The following OLFML2A variants were observed in gnomAD, a reference collection of about 807,000 sequenced individuals.
OLFML2A encodes olfactomedin-like protein 2A.
In OLFML2A, 47 loss-of-function variants were observed where a neutral mutation model predicts 60.9. The observed-to-expected ratio is 0.77, with a 90% CI of 0.61 to 0.98. The LOEUF (loss-of-function observed/expected upper bound fraction) is 0.98. Among genes scored for constraint, OLFML2A ranks in the 50% least tolerant of loss-of-function variants. The pLI, the probability that OLFML2A is intolerant of heterozygous loss-of-function variation, is 0.00. For synonymous variants in OLFML2A, 372 were observed against 375.0 expected (o/e 0.99, Z 0.09); for missense variants, 922 against 879.8 (o/e 1.05, Z -0.61).
At chr9:124,806,384 C>T (rs1225267319) in intron 6 of OLFML2A, among the ~76,000 whole-genome samples, 3 of 93,050 alleles carry the variant, frequency 3.2e-5, no homozygotes, top group African/African-American at 4.3e-5. Flanking sequence ...TATATATTAC[C>T]TCACATTATG....
chr9:124,801,323 C>A, intron 4 of OLFML2A, 91 bp from the exon 5 acceptor site: 2 of 1,360,344 alleles, frequency 1.5e-6, no homozygotes, highest in South Asian at 1.3e-5. Flanking sequence ...GGCAACATGG[C>A]CACCTCCAGT....
At chr9:124,791,930 G>T (rs79366926) in intron 2 of OLFML2A, among the ~76,000 whole-genome samples, 4,433 of 152,174 alleles carry the variant, frequency 0.029, 94 homozygotes, top group Non-Finnish European at 0.046. Flanking sequence ...TTGAACCTGT[G>T]CTGCTCAGCA....
intron 1 of OLFML2A, among the ~76,000 whole-genome samples, chr9:124,780,709 G>A (rs1483044532): frequency 1.3e-5 from 2 of 152,232 alleles, no homozygotes; most frequent in Non-Finnish European, 2.9e-5. Context: ...TTTGGCTGGG[G>A]CATCTGGGGC....
chr9:124,783,489 G>C (rs1030739431), intron 1 of OLFML2A, among the ~76,000 whole-genome samples: 3 of 152,064 alleles, frequency 2.0e-5, no homozygotes, highest in African/African-American at 7.2e-5. Flanking sequence ...ATAATAAGAA[G>C]AATACTTCAC....
chr9:124,798,265 G>T (rs1314914903), intron 3 of OLFML2A, among the ~76,000 whole-genome samples: 4 of 152,186 alleles, frequency 2.6e-5, no homozygotes, highest in Non-Finnish European at 5.9e-5. Flanking sequence ...ACTTTGCAAG[G>T]CTGTGGTGGG....
At chr9:124,802,056 G>A (rs2131271159) in intron 5 of OLFML2A, among the ~76,000 whole-genome samples, 1 of 152,154 alleles carries the variant, frequency 6.6e-6, no homozygotes, top group South Asian at 2.1e-4. Flanking sequence ...CACAGTGAGG[G>A]GCAGGAGAAT....
chr9:124,804,273 A>ACCCCCC lies in OLFML2A; in HGVS notation c.1101_1102insCCCCCC (p.Thr367_Thr368insProPro). The ACCCCCC allele has an allele frequency of 1.6e-6, 1 of 635,160 alleles. No individual in the cohort carries two copies. The allele number at this position is 635,160 out of a possible 1,614,324, so 39.3% of individuals were successfully genotyped here. A position where few individuals can be genotyped will look rare whatever the true frequency, so the allele number is the denominator to read the frequency against. ...CCCTGCCACCACCACCACCGCCACC[A>ACCCCCC]CCACCCCAACCCCCACCACCAGTCT... On this transcript the variant is annotated inframe_insertion, in exon 6 of 8. Coordinates refer to ENST00000373580, the MANE Select transcript of OLFML2A (RefSeq NM_182487.4).
At chr9:124,780,134 G>A (rs544875040) in intron 1 of OLFML2A, among the ~76,000 whole-genome samples, 4 of 152,326 alleles carry the variant, frequency 2.6e-5, no homozygotes, top group South Asian at 4.1e-4. Context: ...GCTGGGAGGA[G>A]GAGGGGGACC....
intron 2 of OLFML2A, among the ~76,000 whole-genome samples, chr9:124,787,707 C>T (rs1378452829): frequency 6.6e-6 from 1 of 151,746 alleles, no homozygotes; most frequent in East Asian, 2.0e-4. Flanking sequence ...TACAGACGTG[C>T]ACCACCACAC....
chr9:124,785,080 A>G (rs1167562729), intron 1 of OLFML2A, among the ~76,000 whole-genome samples: 6 of 147,714 alleles, frequency 4.1e-5, no homozygotes, highest in African/African-American at 1.5e-4. Context: ...CAGCCTCCCT[A>G]GTAGCTGGGG....
rs910588523 is a variant in OLFML2A at position 124,778,769 on chromosome 9, C to T, written c.90+1409C>T. Among the ~76,000 whole-genome samples the T allele has an allele frequency of 4.4e-4, 67 of 151,916 alleles. 1 individual carries two copies. Among genetic ancestry groups the T allele is most frequent in the Non-Finnish European group, 1.5e-4 (10 of 67,990 alleles). On this transcript the variant is annotated intron_variant, in intron 1 of 7. Transcript: ENST00000373580. ...TGGAGATTGCGCCAGTGCACTCCAA[C>T]CTGGGGAACAGAGCAAGATTGTGTC... is the stretch of plus-strand genomic sequence containing the variant.
In OLFML2A at chr9:124,804,066, T is replaced by C. The variant is rs781238655; in HGVS notation, c.920-28T>C. 24 of 1,610,118 alleles carry C rather than the reference T, an allele frequency of 1.5e-5. 1 individual carries two copies. In the South Asian group the frequency reaches 2.6e-4, roughly 18 times the overall value. On this transcript the variant is annotated intron_variant, in intron 5 of 7. Coordinates refer to ENST00000373580, the MANE Select transcript of OLFML2A (RefSeq NM_182487.4). Reference sequence around the variant, plus strand: ...CACACGGCAGCAGGTGGTGCTGAGATTTGAGCACAGGGGTCTTCTCTCTGC... The same window carrying C: ...CACACGGCAGCAGGTGGTGCTGAGACTTGAGCACAGGGGTCTTCTCTCTGC...
At chr9:124,805,223 T>G (rs1841867214) in intron 6 of OLFML2A, among the ~76,000 whole-genome samples, 2 of 152,200 alleles carry the variant, frequency 1.3e-5, no homozygotes, top group Admixed American at 1.3e-4. Flanking sequence ...GTGAAAATCC[T>G]TCAAACCCTG....
At position 124,779,023 on chromosome 9, in the gene OLFML2A, C is replaced by T. The variant is rs1262770496; in HGVS notation, c.90+1663C>T. On this transcript the variant is annotated intron_variant, in intron 1 of 7. Transcript: ENST00000373580. This position sits in a 1 kb window ranked among gnomAD's most constrained non-coding sequence, Gnocchi z 4.1. The stretch of plus-strand genomic sequence containing the variant: ...TGAGCAGTGGGCACTGGCCAACTCT[C>T]AGCCTGATTCAGCTCAGGGCATGAA... The T allele has an allele frequency of 2.2e-6, 2 of 898,724 alleles. No homozygotes were observed. The highest frequency in any genetic ancestry group is 3.6e-5 in the African/African-American group (2 of 55,394). 55.7% of individuals were successfully genotyped at this position (898,724 alleles called of 1,614,324 possible). A position where few individuals can be genotyped will look rare whatever the true frequency, so the allele number is the denominator to read the frequency against.
intron 1 of OLFML2A, chr9:124,778,815 C>CAA (rs112508575): frequency 5.2e-4 from 100 of 193,710 alleles, no homozygotes; most frequent in Non-Finnish European, 7.5e-4. Flanking sequence ...ACAAAACAAA[C>CAA]AAAAAAAAAA....
chr9:124,797,894 G>C (rs1021611128), intron 3 of OLFML2A, among the ~76,000 whole-genome samples: 2 of 152,190 alleles, frequency 1.3e-5, no homozygotes, highest in Non-Finnish European at 2.9e-5. Flanking sequence ...TCAGAACCAG[G>C]AGTAGATCCA....
chr9:124,794,933 G>A, intron 2 of OLFML2A, 91 bp from the exon 3 acceptor site: 1 of 750,594 alleles, frequency 1.3e-6, no homozygotes, highest in Non-Finnish European at 2.3e-6. Flanking sequence ...AGGTTCTGGA[G>A]TTCTCAATTG....
At chr9:124,783,386 C>T (rs907411432) in intron 1 of OLFML2A, among the ~76,000 whole-genome samples, 32 of 152,102 alleles carry the variant, frequency 2.1e-4, no homozygotes, top group Non-Finnish European at 3.4e-4. Flanking sequence ...GTGGGAGGAT[C>T]GCCTGATCCC....
intron 2 of OLFML2A, among the ~76,000 whole-genome samples, chr9:124,788,402 T>C (rs1841517845): frequency 6.6e-6 from 1 of 151,474 alleles, no homozygotes; most frequent in South Asian, 2.1e-4. Flanking sequence ...GGTCAGGAGC[T>C]CAAGAGCACC....
Sources: allele counts gnomAD v4.1 joint callset (sites outside exome capture counted in the v4.1 genomes callset), GRCh38; gene constraint gnomAD v4.1.1; non-coding constraint Gnocchi (gnomAD v3.1); transcripts MANE v1.5; gene names NCBI Gene and HGNC (gene_info 2026-07-23, HGNC 2026-07-21).